The following CDH11 variants were observed in gnomAD, a reference collection of about 807,000 sequenced individuals.
The protein encoded by CDH11 is cadherin 11, also known as cadherin-11.
Under a neutral mutation model 67.8 loss-of-function variants are expected in CDH11, and 11 were observed. That is an observed-to-expected ratio of 0.16 (90% CI 0.10 to 0.27). The LOEUF (loss-of-function observed/expected upper bound fraction) is 0.27. Ranked by LOEUF, CDH11 falls within the 10% of genes least tolerant of loss-of-function variation. CDH11 has a pLI of 1.00. For synonymous variants in CDH11, 419 were observed against 400.0 expected (o/e 1.05, Z -0.57); for missense variants, 847 against 1,031.2 (o/e 0.82, Z 2.45).
intron 1 of CDH11, among the ~76,000 whole-genome samples, chr16:65,120,504 A>C (rs557511095): frequency 3.9e-5 from 6 of 152,308 alleles, no homozygotes; most frequent in Admixed American, 6.5e-5. Flanking sequence ...TTTCAGAGCG[A>C]TCGTAGCACG....
intron 11 of CDH11, among the ~76,000 whole-genome samples, chr16:64,953,093 C>T (rs1298830070): frequency 6.6e-6 from 1 of 151,998 alleles, no homozygotes. Flanking sequence ...AGTTATGATA[C>T]TGTAGTTTCA....
intron 7 of CDH11, chr16:64,986,085 A>G (rs1012653520): frequency 6.6e-6 from 1 of 152,130 alleles, no homozygotes; most frequent in Non-Finnish European, 1.5e-5. Context: ...AAATGCAGAA[A>G]TATTGCCATA....
chr16:65,105,329 G>A (rs1881043303), intron 1 of CDH11, among the ~76,000 whole-genome samples: 1 of 152,142 alleles, frequency 6.6e-6, no homozygotes, highest in Admixed American at 6.5e-5. Context: ...TTCCCAGCTG[G>A]GACAAACCAG....
intron 2 of CDH11, among the ~76,000 whole-genome samples, chr16:65,019,013 A>G (rs1281832131): frequency 6.6e-6 from 1 of 152,218 alleles, no homozygotes; most frequent in African/African-American, 2.4e-5. Flanking sequence ...GTTCACATTC[A>G]CTAATTCATG....
In CDH11 at chr16:65,004,980, G is replaced by C. The variant is rs1238273498; in HGVS notation, c.-111C>G. On this transcript the variant is annotated 5_prime_UTR_variant, in exon 3 of 13. The change creates a new upstream start codon in the 5' untranslated region. Transcript: ENST00000268603. ...GACGCGTCACGCAGACCTCTCTTGG[G>C]ATGGAATGTCTCTGCTGGTTGAGCT... The C allele has an allele frequency of 7.7e-6, 11 of 1,425,962 alleles. No individual in the cohort carries two copies. Among genetic ancestry groups the C allele is most frequent in the African/African-American group, 1.5e-5 (1 of 68,678 alleles). The allele number at this position is 1,425,962 out of a possible 1,614,324, so 88.3% of individuals were successfully genotyped here. A position where few individuals can be genotyped will look rare whatever the true frequency, so the allele number is the denominator to read the frequency against.
intron 7 of CDH11, 123 bp downstream of exon 7, chr16:64,988,034 G>T: frequency 1.5e-6 from 1 of 682,194 alleles, no homozygotes; most frequent in Non-Finnish European, 2.5e-6. Context: ...CAACTACAAA[G>T]TCAGGTCAGC....
intron 1 of CDH11, chr16:65,059,689 C>T (rs1173429235): frequency 6.6e-6 from 1 of 152,172 alleles, no homozygotes; most frequent in African/African-American, 2.4e-5. Flanking sequence ...TTCTGGGTTC[C>T]CCGGGCACTT....
intron 2 of CDH11, chr16:65,006,753 T>G (rs2073063326): frequency 6.6e-6 from 1 of 152,208 alleles, no homozygotes; most frequent in Non-Finnish European, 1.5e-5. Flanking sequence ...AATCTCATCT[T>G]GAATTCAACA....
At chr16:65,083,162 C>T (rs910841531) in intron 1 of CDH11, among the ~76,000 whole-genome samples, 1 of 152,156 alleles carries the variant, frequency 6.6e-6, no homozygotes, top group African/African-American at 2.4e-5. Context: ...AGTTTGAGTG[C>T]CTCACTTGAA....
intron 1 of CDH11, 105 bp from the exon 2 acceptor site, chr16:65,054,033 T>C (rs549327723): frequency 2.5e-6 from 1 of 395,228 alleles, no homozygotes; most frequent in African/African-American, 2.1e-5. Flanking sequence ...TCTTAGAAGA[T>C]GACAATCCAG....
In CDH11 at chr16:64,947,843, G is replaced by A. The variant is rs1220203140; in HGVS notation, c.2151C>T (p.Val717=). Residue 717 remains valine, a synonymous_variant, in exon 13 of 13, where the codon GTC becomes GTT. Coordinates refer to ENST00000268603, the MANE Select transcript of CDH11 (RefSeq NM_001797.4). ...GLRPAPNSVD[V]DDFINTRIQE... ...GTATTCTCGTGTTGATGAAGTCATC[G>A]ACATCCACGCTGTTGGGCGCTGGCC... 1 of 1,613,750 alleles carries A rather than the reference G, an allele frequency of 6.2e-7. No homozygotes were observed. The highest frequency in any genetic ancestry group is 8.5e-7 in the Non-Finnish European group (1 of 1,179,800).
In CDH11 at chr16:64,982,053, C is replaced by T. The variant is rs139869458; in HGVS notation, c.1248G>A (p.Pro416=). The T allele has an allele frequency of 2.6e-5, 42 of 1,611,266 alleles. No homozygotes were observed. Among genetic ancestry groups the T allele is most frequent in the African/African-American group, 1.9e-4 (14 of 74,972 alleles). Residue 416 remains proline, a synonymous_variant, in exon 8 of 13, where the codon CCG becomes CCA. Transcript: ENST00000268603. ...TAAAATAAATCCGTCTGTACCTTAT[C>T]GGGCTGTTGGCAGCATCAGGGTCTT... ...HAKDPDAANS[P]IRYSIDRHTD...
chr16:64,952,743 T>C (rs1201914872), intron 11 of CDH11, among the ~76,000 whole-genome samples: 1 of 152,128 alleles, frequency 6.6e-6, no homozygotes, highest in East Asian at 1.9e-4. Context: ...TCAGAGTTTA[T>C]AGCAATATGA....
At chr16:64,949,428 T>G (rs1337702630) in intron 12 of CDH11, among the ~76,000 whole-genome samples, 1 of 53,686 alleles carries the variant, frequency 1.9e-5, no homozygotes, top group African/African-American at 4.1e-5. Context: ...TTTTTTTCTT[T>G]TTTTTTTTTT....
chr16:64,960,352 C>A (rs568822319), intron 11 of CDH11, among the ~76,000 whole-genome samples: 8 of 152,072 alleles, frequency 5.3e-5, no homozygotes, highest in Non-Finnish European at 1.2e-4. Context: ...TTTTCTCAAC[C>A]ACTCCTTCAC....
intron 11 of CDH11, among the ~76,000 whole-genome samples, chr16:64,959,624 T>C (rs1439306727): frequency 6.6e-6 from 1 of 152,172 alleles, no homozygotes; most frequent in Non-Finnish European, 1.5e-5. Flanking sequence ...CAATGAATTT[T>C]AGGCAGAAAA....
At chr16:65,051,691 C>T (rs181111088) in intron 2 of CDH11, among the ~76,000 whole-genome samples, 1 of 152,264 alleles carries the variant, frequency 6.6e-6, no homozygotes, top group East Asian at 1.9e-4. Flanking sequence ...TTCCTCCATG[C>T]TGTTCTTGTG....
chr16:64,944,002 T>A lies in CDH11; in HGVS notation c.*3601A>T, dbSNP rs1186052829. 1 of 232,072 alleles carries A rather than the reference T, an allele frequency of 4.3e-6. No homozygotes were observed. The highest frequency in any genetic ancestry group is 2.2e-5 in the African/African-American group (1 of 45,256). 14.4% of individuals were successfully genotyped at this position (232,072 alleles called of 1,614,324 possible). ...TTTCCATGGAAAAGGAACGTGTTTTTTTTTGTATCAGGAACCGAAAGATGG... is the reference window on the plus strand; with the variant it reads ...TTTCCATGGAAAAGGAACGTGTTTTATTTTGTATCAGGAACCGAAAGATGG... On this transcript the variant is annotated 3_prime_UTR_variant, in exon 13 of 13. Coordinates refer to ENST00000268603, the MANE Select transcript of CDH11 (RefSeq NM_001797.4).
intron 1 of CDH11, among the ~76,000 whole-genome samples, chr16:65,091,744 C>T (rs1380594412): frequency 9.2e-5 from 14 of 151,760 alleles, no homozygotes; most frequent in Admixed American, 8.5e-4. Flanking sequence ...GTAGAGACAG[C>T]GTTTCACCGT....
Sources: gnomAD v4.1 joint callset for allele counts (sites outside exome capture counted in the v4.1 genomes callset) on GRCh38, gnomAD v4.1.1 for gene constraint, MANE v1.5 for transcripts, NCBI Gene and HGNC (gene_info 2026-07-23, HGNC 2026-07-21) for gene names.